Variants in PDE10A observed in about 807,000 individuals in gnomAD.
The protein encoded by PDE10A is cAMP and cAMP-inhibited cGMP 3',5'-cyclic phosphodiesterase 10A.
A neutral mutation model predicts 97.7 loss-of-function variants in PDE10A; 39 were observed. The ratio of observed to expected loss-of-function variants is 0.40; its 90% CI spans 0.31 to 0.52. The LOEUF is 0.52. PDE10A is among the 20% of genes least tolerant of loss of function. The pLI is 0.56. For missense variants in PDE10A, 731 were observed against 1,047.8 expected (o/e 0.70, Z 4.17); for synonymous variants, 371 against 376.8 (o/e 0.98, Z 0.18).
chr6:165,851,619 A>G (rs1299730245), intron 1 of PDE10A, among the ~76,000 whole-genome samples: 2 of 152,162 alleles, frequency 1.3e-5, no homozygotes, highest in African/African-American at 2.4e-5. Context: ...GTGTTCAGGA[A>G]GGGGAAAGCT....
At chr6:165,865,095 C>T (rs6913843) in intron 1 of PDE10A, among the ~76,000 whole-genome samples, 11,051 of 152,226 alleles carry the variant, frequency 0.073, 441 homozygotes, top group South Asian at 0.12. Context: ...CAAAAATTGA[C>T]GCACCTGGCA....
In PDE10A at chr6:165,662,648, C is replaced by G. The variant is rs1206156525; in HGVS notation, c.164G>C (p.Gly55Ala). Residue 55 changes from glycine to alanine, a missense_variant, in exon 1 of 22, where the codon GGC becomes GCC. This residue lies in a region of PDE10A where 181 missense variants were observed against 159.1 expected (regional missense o/e 1.14). Coordinates refer to ENST00000539869, the MANE Select transcript of PDE10A (RefSeq NM_001385079.1). ...AGPGPAPEWPGRGRAERAAPP... is the reference protein window; with the variant it reads ...AGPGPAPEWPARGRAERAAPP... ...CGCGGCGCGCTCCGCCCGGCCACGG[C>G]CAGGCCACTCGGGGGCCGGGCCCGG... is the stretch of plus-strand genomic sequence containing the variant. 7.0e-6 allele frequency: 1 copy of G among 143,256 alleles called. No homozygotes were observed. The highest frequency in any genetic ancestry group is 6.9e-5 in the Admixed American group (1 of 14,590). 8.9% of individuals were successfully genotyped at this position (143,256 alleles called of 1,614,324 possible).
chr6:165,585,957 C>T (rs1462609299), intron 1 of PDE10A, among the ~76,000 whole-genome samples: 2 of 152,050 alleles, frequency 1.3e-5, no homozygotes, highest in African/African-American at 2.4e-5. Context: ...GACCAGCTGC[C>T]GCCACAAGCA....
intron 1 of PDE10A, among the ~76,000 whole-genome samples, chr6:165,563,260 G>A (rs1784613233): frequency 6.9e-6 from 1 of 145,250 alleles, no homozygotes; most frequent in East Asian, 2.2e-4. Context: ...GGGAGGGAGG[G>A]AGGAAGGAGG....
intron 3 of PDE10A, among the ~76,000 whole-genome samples, chr6:165,472,842 G>A (rs981684664): frequency 2.6e-5 from 4 of 152,062 alleles, no homozygotes; most frequent in African/African-American, 7.2e-5. Context: ...CCATTTACAC[G>A]TGAAAAGTTA....
chr6:165,835,379 T>C (rs1780038067), intron 1 of PDE10A, among the ~76,000 whole-genome samples: 1 of 152,210 alleles, frequency 6.6e-6, no homozygotes, highest in Non-Finnish European at 1.5e-5. Flanking sequence ...CTGGTCACTG[T>C]CCAACAATTT....
intron 2 of PDE10A, among the ~76,000 whole-genome samples, chr6:165,504,556 T>C (rs1781082818): frequency 1.3e-5 from 2 of 152,138 alleles, no homozygotes; most frequent in East Asian, 1.9e-4. Context: ...CAGTCATTCA[T>C]TTATTATCAG....
At chr6:165,914,954 T>A (rs1024681598) in intron 1 of PDE10A, among the ~76,000 whole-genome samples, 1 of 152,276 alleles carries the variant, frequency 6.6e-6, no homozygotes. Context: ...AAAAGTGAAA[T>A]TTAGAAGATG....
At chr6:165,882,752 G>C (rs1181540307) in intron 1 of PDE10A, among the ~76,000 whole-genome samples, 1 of 112,652 alleles carries the variant, frequency 8.9e-6, no homozygotes, top group Non-Finnish European at 1.7e-5. Flanking sequence ...CACTAGAAAA[G>C]ATCACTCAGA....
chr6:165,506,103 C>T (rs1229616549), intron 2 of PDE10A, among the ~76,000 whole-genome samples: 1 of 152,082 alleles, frequency 6.6e-6, no homozygotes, highest in Non-Finnish European at 1.5e-5. Context: ...CCCATAACAA[C>T]ATAACTATAT....
chr6:165,769,833 C>A (rs1178160222), intron 1 of PDE10A, among the ~76,000 whole-genome samples: 1 of 152,118 alleles, frequency 6.6e-6, no homozygotes. Flanking sequence ...GGCAAGTTAG[C>A]CTTAGTGAGT....
intron 2 of PDE10A, among the ~76,000 whole-genome samples, chr6:165,503,536 C>T (rs1413305979): frequency 6.6e-6 from 1 of 152,094 alleles, no homozygotes; most frequent in African/African-American, 2.4e-5. Flanking sequence ...AAATAACAGG[C>T]CTTGGAAACG....
At chr6:165,722,093 G>T (rs1792180214) in intron 1 of PDE10A, among the ~76,000 whole-genome samples, 1 of 152,168 alleles carries the variant, frequency 6.6e-6, no homozygotes, top group Middle Eastern at 3.2e-3. Context: ...TTTTCAAGTG[G>T]CACAGAATTA....
chr6:165,691,203 C>CCACA (rs1241239698), intron 1 of PDE10A, among the ~76,000 whole-genome samples: 1,571 of 108,558 alleles, frequency 0.014, 113 homozygotes, highest in East Asian at 0.057. Context: ...CTCTCTCTCC[C>CCACA]CACACACACA....
chr6:165,694,108 G>A (rs1036887301), intron 1 of PDE10A, among the ~76,000 whole-genome samples: 4 of 152,184 alleles, frequency 2.6e-5, no homozygotes, highest in African/African-American at 9.7e-5. Flanking sequence ...GACTGTAAGT[G>A]TAACATAATT....
intron 1 of PDE10A, among the ~76,000 whole-genome samples, chr6:165,702,091 TA>T (rs1211667664): frequency 6.6e-6 from 1 of 152,120 alleles, no homozygotes; most frequent in Non-Finnish European, 1.5e-5. Context: ...GATTTTCCCG[TA>T]AGTGGCAAAA....
rs1204023949 is a variant in PDE10A at position 165,894,280 on chromosome 6, G to A, written c.-615+93249C>T. 3.3e-5 allele frequency: 15 copies of A among 456,014 alleles called. 1 individual carries two copies. Among genetic ancestry groups the A allele is most frequent in the South Asian group, 9.3e-5 (6 of 64,560 alleles). The allele number at this position is 456,014 out of a possible 1,614,324, so 28.2% of individuals were successfully genotyped here. A position where few individuals can be genotyped will look rare whatever the true frequency, so the allele number is the denominator to read the frequency against. On this transcript the variant is annotated intron_variant, in intron 1 of 19. Transcript: ENST00000366882. ...GTTTTTCAGTGATTTGGTGAAGCCC[G>A]AGAAGATGTGTTGATCCAATCTGCA...
chr6:165,414,355 T>G (rs1330913757), intron 12 of PDE10A, among the ~76,000 whole-genome samples: 1 of 152,122 alleles, frequency 6.6e-6, no homozygotes, highest in Non-Finnish European at 1.5e-5. Context: ...TGAGGACATG[T>G]TTTTGGAAAA....
intron 1 of PDE10A, among the ~76,000 whole-genome samples, chr6:165,789,193 G>A (rs890137058): frequency 1.3e-5 from 2 of 152,188 alleles, no homozygotes; most frequent in African/African-American, 2.4e-5. Context: ...GACCACTACA[G>A]GCAGAAGTTA....
Sources: allele counts gnomAD v4.1 joint callset (sites outside exome capture counted in the v4.1 genomes callset), GRCh38; gene constraint gnomAD v4.1.1; regional missense constraint gnomAD v4.1.1; transcripts MANE v1.5; gene names NCBI Gene and HGNC (gene_info 2026-07-23, HGNC 2026-07-21).